ARHGAP31: variants seen among roughly 807,000 people sequenced by gnomAD.
ARHGAP31 encodes rho GTPase-activating protein 31.
In ARHGAP31, 34 loss-of-function variants were observed where a neutral mutation model predicts 113.9. The observed-to-expected ratio is 0.30, with a 90% confidence interval of 0.23 to 0.40. ARHGAP31 has a LOEUF of 0.40. Ranked by LOEUF, ARHGAP31 falls within the 10% of genes least tolerant of loss-of-function variation. ARHGAP31 has a pLI of 1.00. For missense variants in ARHGAP31, 1,548 were observed against 1,767.1 expected (o/e 0.88, Z 2.22); for synonymous variants, 650 against 684.8 (o/e 0.95, Z 0.79).
At chr3:119,382,656 T>C (rs2080411875) in intron 5 of ARHGAP31, among the ~76,000 whole-genome samples, 1 of 152,212 alleles carries the variant, frequency 6.6e-6, no homozygotes, top group Non-Finnish European at 1.5e-5. Context: ...GGTCTGTATG[T>C]TAAAATTTCT....
intron 1 of ARHGAP31, 109 bp downstream of exon 1, chr3:119,295,113 G>C: frequency 9.9e-7 from 1 of 1,010,554 alleles, no homozygotes; most frequent in Non-Finnish European, 1.5e-6. Flanking sequence ...TGTATTCCAG[G>C]CCTGTGCGCT....
At chr3:119,329,323 T>C (rs1393381934) in intron 1 of ARHGAP31, among the ~76,000 whole-genome samples, 1 of 152,126 alleles carries the variant, frequency 6.6e-6, no homozygotes, top group Non-Finnish European at 1.5e-5. Flanking sequence ...TTGCCCAACA[T>C]GCCATTTCAT....
At chr3:119,409,867 T>G in intron 11 of ARHGAP31, 91 bp downstream of exon 11, 1 of 1,394,700 alleles carries the variant, frequency 7.2e-7, no homozygotes, top group South Asian at 1.4e-5. Flanking sequence ...AAAAAAAATT[T>G]TTTTTTGAAA....
intron 1 of ARHGAP31, among the ~76,000 whole-genome samples, chr3:119,347,687 C>G (rs1017130784): frequency 3.9e-5 from 6 of 152,124 alleles, no homozygotes; most frequent in African/African-American, 1.4e-4. Flanking sequence ...CCAGAGTGCC[C>G]TGGATATATC....
chr3:119,303,810 G>A (rs1392513042), intron 1 of ARHGAP31, among the ~76,000 whole-genome samples: 1 of 150,772 alleles, frequency 6.6e-6, no homozygotes, highest in East Asian at 1.9e-4. Flanking sequence ...TGTTGTTGTT[G>A]TTGAGATGGG....
rs1446296824 is a variant in ARHGAP31 at position 119,324,986 on chromosome 3, CAAT to C, written c.100+29984_100+29986del. The C allele has an allele frequency of 6.1e-5, 28 of 456,588 alleles. No homozygotes were observed. In the Admixed American group the frequency reaches 6.3e-4, roughly 10 times the overall value. The allele number at this position is 456,588 out of a possible 1,614,324, so 28.3% of individuals were successfully genotyped here. ...AAGCAATAAGCAGTACTCCTCATGT[CAAT>C]AGTGGCATAGTGTGGACTTATATGA... is the stretch of plus-strand genomic sequence containing the variant. On this transcript the variant is annotated intron_variant, in intron 1 of 11. Transcript: ENST00000264245.
intron 1 of ARHGAP31, among the ~76,000 whole-genome samples, chr3:119,314,995 T>C (rs938172921): frequency 6.6e-6 from 1 of 152,130 alleles, no homozygotes; most frequent in African/African-American, 2.4e-5. Flanking sequence ...GACATAACCC[T>C]CCTCCACACC....
At chr3:119,328,033 C>T (rs1279954894) in intron 1 of ARHGAP31, among the ~76,000 whole-genome samples, 1 of 152,018 alleles carries the variant, frequency 6.6e-6, no homozygotes, top group Non-Finnish European at 1.5e-5. Context: ...TCCCAAGGAT[C>T]ATAGAGTTGT....
chr3:119,365,147 A>G (rs752522564), intron 1 of ARHGAP31, among the ~76,000 whole-genome samples, 169 bp from the exon 2 acceptor site: 1 of 152,148 alleles, frequency 6.6e-6, no homozygotes, highest in Non-Finnish European at 1.5e-5. Flanking sequence ...TTTTTTTAAT[A>G]TGAAAGGAAC....
At chr3:119,335,507 G>T (rs182129225) in intron 1 of ARHGAP31, among the ~76,000 whole-genome samples, 7 of 152,296 alleles carry the variant, frequency 4.6e-5, no homozygotes, top group Admixed American at 3.3e-4. Context: ...GGGGATGTCT[G>T]TGGAAATGCG....
intron 6 of ARHGAP31, among the ~76,000 whole-genome samples, chr3:119,387,651 G>T (rs186055067): frequency 6.6e-6 from 1 of 152,206 alleles, no homozygotes; most frequent in East Asian, 1.9e-4. Flanking sequence ...TGAGAACACT[G>T]AGGCCAAAGA....
chr3:119,294,570 G>C lies in ARHGAP31; in HGVS notation c.-335G>C. The C allele has an allele frequency of 2.0e-6, 1 of 507,856 alleles. No homozygotes were observed. The highest frequency in any genetic ancestry group is 4.0e-5 in the Admixed American group (1 of 25,220). 31.5% of individuals were successfully genotyped at this position (507,856 alleles called of 1,614,324 possible). The stretch of plus-strand genomic sequence containing the variant: ...GGGGAGAGCTTGCCCTCCCTCTTAA[G>C]CTGAGGAGAAACACCCGAAGACACC... On this transcript the variant is annotated 5_prime_UTR_variant, in exon 1 of 12. Coordinates refer to ENST00000264245, the MANE Select transcript of ARHGAP31 (RefSeq NM_020754.4).
chr3:119,339,392 T>G (rs2079988304), intron 1 of ARHGAP31, among the ~76,000 whole-genome samples: 1 of 152,156 alleles, frequency 6.6e-6, no homozygotes, highest in African/African-American at 2.4e-5. Context: ...CCAGCAAGGT[T>G]TTTTTTGTAG....
At chr3:119,301,617 C>T (rs1171485686) in intron 1 of ARHGAP31, among the ~76,000 whole-genome samples, 1 of 149,382 alleles carries the variant, frequency 6.7e-6, no homozygotes, top group Non-Finnish European at 1.5e-5. Flanking sequence ...ATCACTGCTT[C>T]AAGTTCTCAA....
intron 3 of ARHGAP31, among the ~76,000 whole-genome samples, chr3:119,375,351 G>A (rs551050441): frequency 6.6e-6 from 1 of 152,174 alleles, no homozygotes; most frequent in African/African-American, 2.4e-5. Flanking sequence ...TCCTTGGATT[G>A]TTGGTGCCTC....
At chr3:119,302,666 A>T (rs981619735) in intron 1 of ARHGAP31, among the ~76,000 whole-genome samples, 1 of 152,244 alleles carries the variant, frequency 6.6e-6, no homozygotes, top group Non-Finnish European at 1.5e-5. Context: ...TGAGTGATTT[A>T]ACCAAGTGAT....
rs114374371 is a variant in ARHGAP31, at chr3:119,389,763, T to G, written c.683-1022T>G. Among the ~76,000 whole-genome samples the G allele has an allele frequency of 8.8e-3, 1,346 of 152,328 alleles. 16 individuals are homozygous for G. Among genetic ancestry groups the G allele is most frequent in the South Asian group, 0.044 (211 of 4,818 alleles). On this transcript the variant is annotated intron_variant, in intron 6 of 11. Coordinates refer to ENST00000264245, the MANE Select transcript of ARHGAP31 (RefSeq NM_020754.4). ...AAAAGTAATTTCAATTGGTCTAAAT[T>G]ATCCTTGAGTCTTTTTACTATTTCA...
chr3:119,294,688 A>G lies in ARHGAP31; in HGVS notation c.-217A>G. On this transcript the variant is annotated 5_prime_UTR_variant, in exon 1 of 12. Transcript: ENST00000264245. ...GGCTGCCAGTCTGCACGGCCTCGGCACGGCGGCCCCGGAGCGGCGCGGGGT... is the reference window on the plus strand; with the variant it reads ...GGCTGCCAGTCTGCACGGCCTCGGCGCGGCGGCCCCGGAGCGGCGCGGGGT... The G allele has an allele frequency of 1.7e-6, 1 of 592,170 alleles. No individual in the cohort carries two copies. The highest frequency in any genetic ancestry group is 3.1e-5 in the Admixed American group (1 of 31,774). 36.7% of individuals were successfully genotyped at this position (592,170 alleles called of 1,614,324 possible).
intron 6 of ARHGAP31, among the ~76,000 whole-genome samples, chr3:119,389,411 TGA>T (rs1278102298): frequency 1.3e-5 from 2 of 152,208 alleles, no homozygotes; most frequent in African/African-American, 2.4e-5. Context: ...CTAGAATATG[TGA>T]GAGTCTTTGA....
Sources: allele counts gnomAD v4.1 joint callset (sites outside exome capture counted in the v4.1 genomes callset), GRCh38; gene constraint gnomAD v4.1.1; transcripts MANE v1.5; gene names NCBI Gene and HGNC (gene_info 2026-07-23, HGNC 2026-07-21).